Variants in BCL6 observed in about 807,000 individuals in gnomAD.
BCL6 encodes the protein B-cell lymphoma 6 protein.
Under a neutral mutation model 59.5 loss-of-function variants are expected in BCL6, and 7 were observed. That is an observed-to-expected ratio of 0.12 (90% CI 0.07 to 0.22). The LOEUF is 0.22. Ranked by LOEUF, BCL6 falls within the 10% of genes least tolerant of loss-of-function variation. The pLI is 1.00. For missense variants in BCL6, 685 were observed against 939.4 expected, an observed-to-expected ratio of 0.73 and a Z score of 3.54; for synonymous variants, 339 against 349.7, an observed-to-expected ratio of 0.97 and a Z score of 0.34.
chr3:187,741,363 G>T (rs1226131287), intron 1 of BCL6, among the ~76,000 whole-genome samples: 3 of 152,056 alleles, frequency 2.0e-5, no homozygotes, highest in Non-Finnish European at 4.4e-5. Flanking sequence ...CGACAGTATT[G>T]GCAGAGATTC....
intron 1 of BCL6, among the ~76,000 whole-genome samples, chr3:187,744,677 A>T (rs1711806945): frequency 6.6e-6 from 1 of 152,234 alleles, no homozygotes; most frequent in Non-Finnish European, 1.5e-5. Context: ...AGGCCGATGG[A>T]AGAGAGCCAG....
chr3:187,744,423 A>G (rs1711777648), intron 1 of BCL6, among the ~76,000 whole-genome samples: 2 of 152,014 alleles, frequency 1.3e-5, no homozygotes, highest in Admixed American at 6.6e-5. Context: ...ACAACCAAGA[A>G]AGAATAATTT....
rs1718624811 is a variant in BCL6, at chr3:187,725,313, C to T, written c.1839+186G>A. Among the ~76,000 whole-genome samples, 1 of 151,304 alleles carries T rather than the reference C, an allele frequency of 6.6e-6. No homozygotes were observed. The highest frequency in any genetic ancestry group is 2.4e-5 in the African/African-American group (1 of 41,106). On this transcript the variant is annotated intron_variant, in intron 8 of 9. Coordinates refer to ENST00000406870, the MANE Select transcript of BCL6 (RefSeq NM_001706.5). This position sits in a 1 kb window ranked among gnomAD's most constrained non-coding sequence, Gnocchi z 4.7. The stretch of plus-strand genomic sequence containing the variant: ...CTCACCTGCCCGCTCTGCTCACCTG[C>T]CCGCTCTGCTCACCTGCACACGGGG...
chr3:187,743,598 A>C (rs567731393), intron 1 of BCL6, among the ~76,000 whole-genome samples: 2 of 152,066 alleles, frequency 1.3e-5, no homozygotes, highest in African/African-American at 4.8e-5. Flanking sequence ...CATTATTGCA[A>C]CACTAGTTCC....
At chr3:187,736,277 T>A (rs1431708700) in intron 1 of BCL6, 1 of 151,986 alleles carries the variant, frequency 6.6e-6, no homozygotes, top group Non-Finnish European at 1.5e-5. Flanking sequence ...AAAGAACCTA[T>A]CTCCTCCTCT....
rs1394202381 is a variant in BCL6 at position 187,729,296 on chromosome 3, G to T, written c.1109C>A (p.Pro370His). ...GTATTTCTTCCAGTTGCAGGCTTTG[G>T]GGTCAGTGGGGCTCTTGGCTGGAGG... The part of the protein sequence containing the change: ...GSPPAKSPTD[P>H]KACNWKKYKF... Residue 370 changes from proline to histidine, a missense_variant, in exon 5 of 10, where the codon CCC becomes CAC. By Grantham distance (77) the Pro-to-His change is moderately conservative. This residue lies in a region of BCL6 where 28 missense variants were observed against 66.4 expected (regional missense o/e 0.42). Transcript: ENST00000406870. The surrounding 1 kb of genome is among the most constrained non-coding windows in gnomAD (Gnocchi z 5.6). 5.0e-6 allele frequency: 8 copies of T among 1,614,132 alleles called. No individual in the cohort carries two copies. In the South Asian group the frequency reaches 7.7e-5, roughly 16 times the overall value.
Position 187,728,384 on chromosome 3 carries a change from A to T in BCL6, c.1516T>A (p.Ser506Thr), listed in dbSNP as rs752610881. 2 of 1,602,642 alleles carry T rather than the reference A, an allele frequency of 1.2e-6. No homozygotes were observed. Among genetic ancestry groups the T allele is most frequent in the East Asian group, 4.5e-5 (2 of 44,626 alleles). Reference protein sequence around the residue: ...TFPEEMGETQSEYSDSSCENG... With the variant: ...TFPEEMGETQTEYSDSSCENG... ...CCACAGCTAGAATCTGAGTACTCAG[A>T]CTGGGTCTCTCCCATCTCCTCAGGG... Residue 506 changes from serine (S) to threonine (T), a missense_variant, in exon 6 of 10, where the codon TCT becomes ACT. By Grantham distance (58) the Ser-to-Thr change is moderately conservative (BLOSUM62 1). This residue lies in a region of BCL6 where 207 missense variants were observed against 213.7 expected (regional missense o/e 0.97). Coordinates refer to ENST00000406870, the MANE Select transcript of BCL6 (RefSeq NM_001706.5).
Position 187,721,958 on chromosome 3 carries a change from T to TTA in BCL6, c.*498_*499dup, listed in dbSNP as rs140362025. The TTA allele has an allele frequency of 0.48, 82,998 of 171,986 alleles. 23,169 individuals carry two copies. Among genetic ancestry groups the TTA allele is most frequent in the East Asian group, 0.69 (6,133 of 8,888 alleles). The allele number at this position is 171,986 out of a possible 1,614,324, so 10.7% of individuals were successfully genotyped here. ...TTTTTTAGGTTTATATATATTTATT[T>TTA]TATATATATATATATTTATATATTT... On this transcript the variant is annotated 3_prime_UTR_variant, in exon 10 of 10. Coordinates refer to ENST00000406870, the MANE Select transcript of BCL6 (RefSeq NM_001706.5). The surrounding 1 kb of genome is among the most constrained non-coding windows in gnomAD (Gnocchi z 4.2).
At chr3:187,727,438 A>G (rs1718770587) in intron 6 of BCL6, among the ~76,000 whole-genome samples, 1 of 152,226 alleles carries the variant, frequency 6.6e-6, no homozygotes. Context: ...ATTCAATTCT[A>G]CTTTGAGGTC....
chr3:187,724,533 T>C (rs1387929304), intron 9 of BCL6: 1 of 167,458 alleles, frequency 6.0e-6, no homozygotes, highest in Non-Finnish European at 1.3e-5. Context: ...CCTAAGACTG[T>C]TCCTTCTCAA....
Position 187,725,207 on chromosome 3 carries a change from G to A in BCL6, c.1840-129C>T. 7.1e-7 allele frequency: 1 copy of A among 1,400,304 alleles called. No homozygotes were observed. Among genetic ancestry groups the A allele is most frequent in the Non-Finnish European group, 9.8e-7 (1 of 1,020,052 alleles). The allele number at this position is 1,400,304 out of a possible 1,614,324, so 86.7% of individuals were successfully genotyped here. On this transcript the variant is annotated intron_variant, in intron 8 of 9. Coordinates refer to ENST00000406870, the MANE Select transcript of BCL6 (RefSeq NM_001706.5). This position sits in a 1 kb window ranked among gnomAD's most constrained non-coding sequence, Gnocchi z 4.7. ...CTCTGCTCACCTGCACACAGGGACTGAGTGGGCCTTTCTGCTGCCCACTCT... is the reference window on the plus strand; with the variant it reads ...CTCTGCTCACCTGCACACAGGGACTAAGTGGGCCTTTCTGCTGCCCACTCT...
rs1718941351 is a variant in BCL6 at position 187,729,823 on chromosome 3, A to C, written c.582T>G (p.Ser194=). 6.2e-7 allele frequency: 1 copy of C among 1,613,978 alleles called. No homozygotes were observed. The highest frequency in any genetic ancestry group is 1.3e-5 in the African/African-American group (1 of 74,920). ...LYSGLSTPPA[S]YSMYSHLPVS... is the part of the protein sequence containing the mutation. ...CAGGGAGGTGGCTGTACATGGAATAAGAGGCTGGCGGTGTGGACAGGCCAC... is the reference window on the plus strand; with the variant it reads ...CAGGGAGGTGGCTGTACATGGAATACGAGGCTGGCGGTGTGGACAGGCCAC... Residue 194 remains serine, a synonymous_variant, in exon 5 of 10, where the codon TCT becomes TCG. Transcript: ENST00000406870. The surrounding 1 kb of genome is among the most constrained non-coding windows in gnomAD (Gnocchi z 5.6).
At chr3:187,737,051 A>C (rs530933990) in intron 1 of BCL6, 2 of 152,214 alleles carry the variant, frequency 1.3e-5, no homozygotes, top group South Asian at 4.2e-4. Context: ...AAGACTACCC[A>C]CAAAAACAAT....
chr3:187,728,635 G>C (rs1396363983), intron 5 of BCL6, 91 bp from the exon 6 acceptor site: 4 of 1,294,436 alleles, frequency 3.1e-6, no homozygotes, highest in African/African-American at 3.0e-5. Context: ...CCAGAGGCCA[G>C]AGCTGGGCTG....
chr3:187,724,512 G>A (rs909691401), intron 9 of BCL6: 1 of 154,522 alleles, frequency 6.5e-6, no homozygotes, highest in South Asian at 2.0e-4. Flanking sequence ...CATTCTTTTT[G>A]TTCTCCTCCT....
intron 6 of BCL6, 143 bp from the exon 7 acceptor site, chr3:187,727,041 G>C (rs191389463): frequency 1.1e-6 from 1 of 882,962 alleles, no homozygotes; most frequent in East Asian, 2.6e-5. Context: ...ATGGGAGCTC[G>C]GAGCAAAGGA....
chr3:187,724,703 A>G (rs1718585225), intron 9 of BCL6: 1 of 549,004 alleles, frequency 1.8e-6, no homozygotes, highest in Non-Finnish European at 3.2e-6. Context: ...CTAGTCCCAT[A>G]CCCTCATTTT....
At chr3:187,739,962 C>G (rs902856537) in intron 1 of BCL6, among the ~76,000 whole-genome samples, 2 of 152,192 alleles carry the variant, frequency 1.3e-5, no homozygotes, top group African/African-American at 4.8e-5. Flanking sequence ...AAACTCGTTC[C>G]CAGATTCGTT....
Position 187,725,764 on chromosome 3 carries a change from A to T in BCL6, c.1709-135T>A. ...GTTTTCCTTTCCCTTAGGGAATGTG[A>T]GAGAGAGAATCCAGGGGCCTGCCCC... On this transcript the variant is annotated intron_variant, in intron 7 of 9. Transcript: ENST00000406870. The surrounding 1 kb of genome is among the most constrained non-coding windows in gnomAD (Gnocchi z 4.7). 3.5e-6 allele frequency: 4 copies of T among 1,138,096 alleles called. No homozygotes were observed. Among genetic ancestry groups the T allele is most frequent in the Non-Finnish European group, 4.9e-6 (4 of 816,140 alleles). The allele number at this position is 1,138,096 out of a possible 1,614,324, so 70.5% of individuals were successfully genotyped here.
Sources: gnomAD v4.1 joint callset for allele counts (sites outside exome capture counted in the v4.1 genomes callset) on GRCh38, gnomAD v4.1.1 for gene constraint, gnomAD v4.1.1 regional missense constraint, Gnocchi (gnomAD v3.1) non-coding constraint, MANE v1.5 for transcripts, NCBI Gene and HGNC (gene_info 2026-07-23, HGNC 2026-07-21) for gene names.